Variants in NRXN1 observed in about 807,000 individuals in gnomAD.
NRXN1 encodes neurexin 1.
Under a neutral mutation model 150.9 loss-of-function variants are expected in NRXN1, and 39 were observed. The observed-to-expected ratio is 0.26, with a 90% CI of 0.20 to 0.34. The LOEUF is 0.34. Ranked by LOEUF, NRXN1 falls within the 10% of genes least tolerant of loss-of-function variation. The pLI is 1.00. For missense variants in NRXN1, 1,815 were observed against 1,949.9 expected (o/e 0.93, Z 1.30); for synonymous variants, 924 against 757.0 (o/e 1.22, Z -3.62).
At chr2:50,237,913 G>A (rs1314409206) in intron 17 of NRXN1, among the ~76,000 whole-genome samples, 1 of 151,918 alleles carries the variant, frequency 6.6e-6, no homozygotes, top group Non-Finnish European at 1.5e-5. Flanking sequence ...TCTCATGATA[G>A]TGAGTTCTAA....
Position 50,472,298 on chromosome 2 carries a change from C to T in NRXN1, c.3244G>A (p.Gly1082Arg). The T allele has an allele frequency of 6.3e-7, 1 of 1,576,836 alleles. No individual in the cohort carries two copies. Among genetic ancestry groups the T allele is most frequent in the African/African-American group, 1.4e-5 (1 of 73,548 alleles). The change falls in exon 16 of 23, where the codon GGG (glycine) becomes AGG (arginine). Residue 1082 changes from glycine (G) to arginine (R), a missense_variant and splice_region_variant. Around this residue, in one of 6 missense-constraint regions of NRXN1, gnomAD observed 339 missense variants for 440.3 expected, o/e 0.77. Transcript: ENST00000401669. ...CNGQIERGCE[G>R]PSTTCQEDSC... Reference sequence around the variant, plus strand: ...GAGCATGATGACAAAAATCTAATACCTTCACATCCTCTCTCGATCTGTCCG... The same window carrying T: ...GAGCATGATGACAAAAATCTAATACTTTCACATCCTCTCTCGATCTGTCCG...
chr2:50,181,165 G>A (rs1276597549), intron 18 of NRXN1, among the ~76,000 whole-genome samples: 2 of 151,990 alleles, frequency 1.3e-5, no homozygotes. Flanking sequence ...TGACATAAGT[G>A]CATGATGATA....
chr2:50,426,810 T>C (rs950117561), intron 17 of NRXN1, among the ~76,000 whole-genome samples: 2 of 152,200 alleles, frequency 1.3e-5, no homozygotes, highest in African/African-American at 4.8e-5. Flanking sequence ...GAGGTCCCTT[T>C]GTCATGCCAC....
intron 8 of NRXN1, among the ~76,000 whole-genome samples, chr2:50,611,901 T>C (rs1022425679): frequency 1.3e-5 from 2 of 152,156 alleles, no homozygotes; most frequent in African/African-American, 4.8e-5. Context: ...TATTTCCTGC[T>C]GCTTCTTCTC....
intron 21 of NRXN1, among the ~76,000 whole-genome samples, chr2:50,038,888 A>G (rs1215899401): frequency 6.6e-6 from 1 of 151,908 alleles, no homozygotes; most frequent in East Asian, 2.0e-4. Context: ...TTCTTTTAAA[A>G]GCAAAGAAAG....
intron 5 of NRXN1, among the ~76,000 whole-genome samples, chr2:50,748,099 G>A (rs1008808101): frequency 1.3e-5 from 2 of 152,108 alleles, no homozygotes; most frequent in African/African-American, 4.8e-5. Flanking sequence ...CTGTCCCCAC[G>A]TATAGACGAA....
At chr2:50,440,951 C>T (rs1423064768) in intron 17 of NRXN1, among the ~76,000 whole-genome samples, 1 of 152,182 alleles carries the variant, frequency 6.6e-6, no homozygotes, top group East Asian at 1.9e-4. Flanking sequence ...GATTCCACTT[C>T]ACTCTGAGTC....
chr2:49,923,762 C>T (rs1184587947), intron 22 of NRXN1, among the ~76,000 whole-genome samples: 2 of 152,226 alleles, frequency 1.3e-5, no homozygotes, highest in Non-Finnish European at 2.9e-5. Context: ...TTTCCTTCCT[C>T]AAATAAAGCC....
intron 19 of NRXN1, among the ~76,000 whole-genome samples, chr2:50,069,847 G>GTTT (rs1244777512): frequency 2.7e-4 from 17 of 63,796 alleles, no homozygotes; most frequent in African/African-American, 5.0e-4. Context: ...GATTTTGGGG[G>GTTT]TTTTTTTTTT....
At chr2:50,950,378 G>A (rs1365267346) in intron 2 of NRXN1, among the ~76,000 whole-genome samples, 1 of 152,090 alleles carries the variant, frequency 6.6e-6, no homozygotes, top group African/African-American at 2.4e-5. Flanking sequence ...ATACCCATTT[G>A]ACAATTTAGG....
chr2:50,076,087 A>T (rs1411064361), intron 19 of NRXN1, among the ~76,000 whole-genome samples: 1 of 152,206 alleles, frequency 6.6e-6, no homozygotes, highest in Non-Finnish European at 1.5e-5. Flanking sequence ...AATTGTACAG[A>T]ACATATATTT....
intron 21 of NRXN1, among the ~76,000 whole-genome samples, chr2:50,009,386 C>T (rs961254186): frequency 2.0e-5 from 3 of 152,054 alleles, no homozygotes; most frequent in Non-Finnish European, 4.4e-5. Flanking sequence ...AGGGCTAAAG[C>T]CATGGTAACA....
chr2:50,670,582 C>G (rs1374151562), intron 5 of NRXN1, among the ~76,000 whole-genome samples: 1 of 151,826 alleles, frequency 6.6e-6, no homozygotes, highest in Non-Finnish European at 1.5e-5. Flanking sequence ...ATATTATTCA[C>G]CAAATTACAG....
chr2:49,982,843 A>AT (rs1223286731), intron 21 of NRXN1, among the ~76,000 whole-genome samples: 1 of 152,112 alleles, frequency 6.6e-6, no homozygotes, highest in Non-Finnish European at 1.5e-5. Flanking sequence ...CATAAATGAG[A>AT]TTACTAGACT....
rs1293799832 is a variant in NRXN1 at position 49,992,875 on chromosome 2, T to C, written c.4129-49084A>G. Among the ~76,000 whole-genome samples, 3 of 152,330 alleles carry C rather than the reference T, an allele frequency of 2.0e-5. No homozygotes were observed. In the South Asian group the frequency reaches 6.2e-4, roughly 32 times the overall value. ...ACAGTAAGATATCATTACACGCCTA[T>C]TAGAATGACCAAAATCTGGAACACT... On this transcript the variant is annotated intron_variant, in intron 21 of 22. Transcript: ENST00000401669.
intron 17 of NRXN1, among the ~76,000 whole-genome samples, chr2:50,238,537 C>G (rs2065686035): frequency 6.6e-6 from 1 of 151,870 alleles, no homozygotes; most frequent in African/African-American, 2.4e-5. Context: ...TAGCTTGTAC[C>G]AAGAGTAACA....
rs1174540883 is a variant in NRXN1 at position 50,428,541 on chromosome 2, T to C, written c.3364+36901A>G. 2.0e-5 allele frequency among the ~76,000 whole-genome samples: 3 copies of C among 152,374 alleles called. No individual in the cohort carries two copies. In the East Asian group the frequency reaches 5.8e-4, roughly 29 times the overall value. Reference sequence around the variant, plus strand: ...ATTTAAATTGTTCTATTCTGTAAACTGTCTTCAGTCATAAGGTAGTTAGAT... The same window carrying C: ...ATTTAAATTGTTCTATTCTGTAAACCGTCTTCAGTCATAAGGTAGTTAGAT... On this transcript the variant is annotated intron_variant, in intron 17 of 22. Transcript: ENST00000401669.
At chr2:50,768,145 G>A (rs146216853) in intron 5 of NRXN1, among the ~76,000 whole-genome samples, 1 of 152,238 alleles carries the variant, frequency 6.6e-6, no homozygotes, top group East Asian at 1.9e-4. Context: ...TCTGACTGCA[G>A]TTCTTTCTCC....
intron 18 of NRXN1, among the ~76,000 whole-genome samples, chr2:50,217,986 T>C (rs945512800): frequency 1.3e-5 from 2 of 152,022 alleles, no homozygotes; most frequent in African/African-American, 2.4e-5. Flanking sequence ...TTATTTCTGA[T>C]GGCCTCCTTT....
Sources: gnomAD v4.1 joint callset for allele counts (sites outside exome capture counted in the v4.1 genomes callset) on GRCh38, gnomAD v4.1.1 for gene constraint, gnomAD v4.1.1 regional missense constraint, MANE v1.5 for transcripts, NCBI Gene and HGNC (gene_info 2026-07-23, HGNC 2026-07-21) for gene names.